EMCN: variants seen among roughly 807,000 people sequenced by gnomAD.
EMCN encodes the protein MUC-14.
Under a neutral mutation model 38.4 loss-of-function variants are expected in EMCN, and 37 were observed. That is an observed-to-expected ratio of 0.96 (90% CI 0.74 to 1.27). The LOEUF (loss-of-function observed/expected upper bound fraction) is 1.27, where lower values mean the gene tolerates loss of function less well. Ranked by LOEUF, EMCN falls within the 50% of genes most tolerant of loss-of-function variation. The probability of loss-of-function intolerance (pLI) is 0.00; values close to 1 mark genes in which losing one functional copy is unlikely to be tolerated. For synonymous variants in EMCN, 95 were observed against 100.8 expected, an observed-to-expected ratio of 0.94 and a Z score of 0.35; for missense variants, 318 against 302.8, an observed-to-expected ratio of 1.05 and a Z score of -0.37.
intron 1 of EMCN, among the ~76,000 whole-genome samples, chr4:100,498,250 A>G (rs1243838527): frequency 6.6e-6 from 1 of 152,142 alleles, no homozygotes; most frequent in Non-Finnish European, 1.5e-5. Context: ...GCCTATCTTA[A>G]TTTTCCAATC....
At chr4:100,473,376 T>TTTTG (rs1728542877) in intron 3 of EMCN, among the ~76,000 whole-genome samples, 1 of 122,280 alleles carries the variant, frequency 8.2e-6, no homozygotes, top group Non-Finnish European at 1.6e-5. Context: ...TTTTTTTGTT[T>TTTTG]TTTTTTTTTG....
rs1327405827 is a variant in EMCN at position 100,434,378 on chromosome 4, CCAAGCAAAAAAAAAAA to C, written c.416-10990_416-10975del. On this transcript the variant is annotated intron_variant, in intron 5 of 11. Transcript: ENST00000296420. ...AATTGAGGCAGTAATAAATAGCCTA[CCAAGCAAAAAAAAAAA>C]AAAAAAAAAGCCTGGGACTGGATGG... is the stretch of plus-strand genomic sequence containing the variant. Among the ~76,000 whole-genome samples, 13 of 114,180 alleles carry C rather than the reference CCAAGCAAAAAAAAAAA, an allele frequency of 1.1e-4. No individual in the cohort carries two copies. In the South Asian group the frequency reaches 1.5e-3, roughly 13 times the overall value. The allele number at this position is 114,180 out of a possible 152,430, so 74.9% of individuals were successfully genotyped here.
intron 10 of EMCN, among the ~76,000 whole-genome samples, chr4:100,413,397 G>T (rs558293870): frequency 6.6e-6 from 1 of 152,036 alleles, no homozygotes; most frequent in Non-Finnish European, 1.5e-5. Flanking sequence ...TTTTAGGAAA[G>T]ATGTCAGTAT....
chr4:100,493,071 A>G (rs1475903116), intron 1 of EMCN, among the ~76,000 whole-genome samples: 1 of 152,216 alleles, frequency 6.6e-6, no homozygotes, highest in Non-Finnish European at 1.5e-5. Flanking sequence ...TCAATGATAT[A>G]AAGTACATTT....
chr4:100,462,294 A>G (rs895809375), intron 4 of EMCN, among the ~76,000 whole-genome samples: 1 of 152,190 alleles, frequency 6.6e-6, no homozygotes, highest in Non-Finnish European at 1.5e-5. Context: ...ACTTGGAAGA[A>G]AGCCATTTTA....
At chr4:100,495,876 G>T (rs1031327380) in intron 1 of EMCN, among the ~76,000 whole-genome samples, 7 of 152,064 alleles carry the variant, frequency 4.6e-5, no homozygotes, top group South Asian at 4.1e-4. Context: ...TGAATAGCTA[G>T]AATCATCAAA....
intron 4 of EMCN, among the ~76,000 whole-genome samples, chr4:100,457,199 T>C (rs560466997): frequency 7.3e-4 from 71 of 97,858 alleles, no homozygotes; most frequent in African/African-American, 2.8e-3. Flanking sequence ...GTTGTGTGTG[T>C]GTGTGTGTGT....
chr4:100,469,550 A>G (rs1728415925), intron 3 of EMCN, among the ~76,000 whole-genome samples: 1 of 63,768 alleles, frequency 1.6e-5, no homozygotes. Flanking sequence ...TTAATAGTCA[A>G]AGTTTATAAA....
intron 11 of EMCN, among the ~76,000 whole-genome samples, chr4:100,408,180 T>G (rs1726448201): frequency 6.6e-6 from 1 of 152,226 alleles, no homozygotes; most frequent in Admixed American, 6.5e-5. Context: ...TGATTTTCAG[T>G]GATCTTCATT....
At chr4:100,424,216 G>A (rs1315488852) in intron 5 of EMCN, among the ~76,000 whole-genome samples, 3 of 152,024 alleles carry the variant, frequency 2.0e-5, no homozygotes, top group Non-Finnish European at 4.4e-5. Flanking sequence ...TGTGAATTTG[G>A]AATAAAGTAC....
intron 4 of EMCN, among the ~76,000 whole-genome samples, chr4:100,450,017 A>T (rs1228831772): frequency 6.6e-6 from 1 of 152,068 alleles, no homozygotes; most frequent in Admixed American, 6.6e-5. Context: ...CTTAGTAAAG[A>T]TGAATGCTAT....
chr4:100,450,375 TA>T (rs1727803784), intron 4 of EMCN, among the ~76,000 whole-genome samples: 1 of 152,018 alleles, frequency 6.6e-6, no homozygotes, highest in South Asian at 2.1e-4. Context: ...ATTTAGTTTT[TA>T]AATCAGAAAT....
At chr4:100,468,171 G>A (rs758738990) in intron 3 of EMCN, among the ~76,000 whole-genome samples, 7 of 152,172 alleles carry the variant, frequency 4.6e-5, no homozygotes, top group African/African-American at 9.7e-5. Flanking sequence ...TGAGGGAGTC[G>A]TATCAGTACC....
At chr4:100,484,788 T>G (rs1002881362) in intron 1 of EMCN, among the ~76,000 whole-genome samples, 1 of 152,214 alleles carries the variant, frequency 6.6e-6, no homozygotes, top group Non-Finnish European at 1.5e-5. Context: ...TAATGAAATA[T>G]AATCTTTGCA....
intron 3 of EMCN, among the ~76,000 whole-genome samples, chr4:100,466,316 G>A (rs1369821748): frequency 2.0e-5 from 3 of 152,210 alleles, no homozygotes; most frequent in African/African-American, 7.2e-5. Flanking sequence ...AGCTGGAGAT[G>A]AGGGGAAAGC....
chr4:100,490,483 C>T (rs1415222360), intron 1 of EMCN, among the ~76,000 whole-genome samples: 4 of 152,170 alleles, frequency 2.6e-5, no homozygotes, highest in Non-Finnish European at 5.9e-5. Flanking sequence ...CACTCACTCA[C>T]TGACTCACCC....
intron 8 of EMCN, among the ~76,000 whole-genome samples, chr4:100,419,908 T>C (rs1329314411): frequency 6.6e-6 from 1 of 152,080 alleles, no homozygotes; most frequent in Non-Finnish European, 1.5e-5. Context: ...ATGCAATGCA[T>C]GGTGAGCAGG....
chr4:100,401,172 T>A (rs1726247904), intron 11 of EMCN, among the ~76,000 whole-genome samples: 1 of 152,120 alleles, frequency 6.6e-6, no homozygotes, highest in African/African-American at 2.4e-5. Flanking sequence ...CATTCAGGAT[T>A]ATAGAGTACG....
chr4:100,474,908 A>C (rs932595734), intron 3 of EMCN, 130 bp downstream of exon 3: 3 of 401,872 alleles, frequency 7.5e-6, no homozygotes, highest in Non-Finnish European at 1.4e-5. Flanking sequence ...GCTGAAATTA[A>C]TAGTGGTGGT....
Sources: gnomAD v4.1 joint callset for allele counts (sites outside exome capture counted in the v4.1 genomes callset) on GRCh38, gnomAD v4.1.1 for gene constraint, MANE v1.5 for transcripts, NCBI Gene and HGNC (gene_info 2026-07-23, HGNC 2026-07-21) for gene names.